PLXNA4: variants seen among roughly 807,000 people sequenced by gnomAD.
The protein encoded by PLXNA4 is plexin A4.
Under a neutral mutation model 191.8 loss-of-function variants are expected in PLXNA4, and 44 were observed. The ratio of observed to expected loss-of-function variants is 0.23; its 90% confidence interval spans 0.18 to 0.29. The LOEUF (loss-of-function observed/expected upper bound fraction) is 0.29. Among genes scored for constraint, PLXNA4 ranks in the 10% least tolerant of loss-of-function variants. PLXNA4 has a pLI of 1.00. For synonymous variants in PLXNA4, 1,082 were observed against 1,009.5 expected, an observed-to-expected ratio of 1.07 and a Z score of -1.36; for missense variants, 1,800 against 2,488.8, an observed-to-expected ratio of 0.72 and a Z score of 5.89.
intron 5 of PLXNA4, among the ~76,000 whole-genome samples, chr7:132,235,555 G>A (rs1177195726): frequency 5.9e-5 from 9 of 152,350 alleles, no homozygotes; most frequent in Non-Finnish European, 8.8e-5. Flanking sequence ...AGGCAGGGTC[G>A]TGAGGGGGTG....
intron 5 of PLXNA4, among the ~76,000 whole-genome samples, chr7:132,240,484 GC>G (rs1275237844): frequency 6.6e-6 from 1 of 152,210 alleles, no homozygotes; most frequent in Non-Finnish European, 1.5e-5. Flanking sequence ...AGTGACTCCA[GC>G]CCAAGTGCAC....
intron 3 of PLXNA4, chr7:132,352,223 T>TTCCTCC (rs979050592): frequency 3.3e-5 from 5 of 152,308 alleles, no homozygotes; most frequent in African/African-American, 1.2e-4. Context: ...CACAGCTTTT[T>TTCCTCC]TCCTCCTCCT....
At chr7:132,433,048 C>A (rs926078917) in intron 3 of PLXNA4, among the ~76,000 whole-genome samples, 4 of 152,126 alleles carry the variant, frequency 2.6e-5, no homozygotes, top group Non-Finnish European at 4.4e-5. Flanking sequence ...TGTCTAGTTC[C>A]GGTTGATACA....
chr7:132,244,017 T>C (rs1798966461), intron 4 of PLXNA4, among the ~76,000 whole-genome samples: 1 of 152,196 alleles, frequency 6.6e-6, no homozygotes, highest in African/African-American at 2.4e-5. Context: ...TTTCCAGGAC[T>C]TATTCACTAT....
chr7:132,502,445 G>A (rs1352910086), intron 2 of PLXNA4, among the ~76,000 whole-genome samples: 3 of 152,182 alleles, frequency 2.0e-5, no homozygotes, highest in Admixed American at 6.5e-5. Context: ...GAGTCAGGTG[G>A]GAGCTGGGTC....
chr7:132,492,832 G>A (rs1432588492), intron 2 of PLXNA4, among the ~76,000 whole-genome samples: 1 of 152,222 alleles, frequency 6.6e-6, no homozygotes, highest in Non-Finnish European at 1.5e-5. Flanking sequence ...GAGCTGGGAA[G>A]CACTTCAATG....
At chr7:132,148,135 A>G in intron 26 of PLXNA4, 136 bp from the exon 27 acceptor site, 2 of 1,333,104 alleles carry the variant, frequency 1.5e-6, no homozygotes, top group Admixed American at 2.1e-5. Flanking sequence ...GGAGGCTGTC[A>G]GCTTTCCTTG....
At chr7:132,484,385 T>A (rs1797457699) in intron 3 of PLXNA4, among the ~76,000 whole-genome samples, 2 of 152,208 alleles carry the variant, frequency 1.3e-5, no homozygotes, top group Admixed American at 6.5e-5. Context: ...ACCTGTGGGA[T>A]CTTCTGCCTG....
chr7:132,363,209 T>A (rs2116860885), intron 3 of PLXNA4, among the ~76,000 whole-genome samples: 1 of 152,324 alleles, frequency 6.6e-6, no homozygotes, highest in Admixed American at 6.5e-5. Flanking sequence ...GGTCTCGAAC[T>A]CCTGACCTCA....
intron 3 of PLXNA4, among the ~76,000 whole-genome samples, chr7:132,436,485 C>T (rs1018156725): frequency 6.6e-6 from 1 of 152,214 alleles, no homozygotes; most frequent in African/African-American, 2.4e-5. Context: ...CTTAGGAATT[C>T]CCTTCCTCCA....
At chr7:132,309,973 C>T (rs1038767939) in intron 3 of PLXNA4, among the ~76,000 whole-genome samples, 1 of 152,214 alleles carries the variant, frequency 6.6e-6, no homozygotes, top group Admixed American at 6.5e-5. Flanking sequence ...CCAGTAGGCA[C>T]CGCCACCCTA....
intron 1 of PLXNA4, among the ~76,000 whole-genome samples, chr7:132,571,097 G>GA (rs998231533): frequency 6.1e-4 from 85 of 140,336 alleles, no homozygotes; most frequent in South Asian, 1.6e-3. Flanking sequence ...TGGAGAAAAA[G>GA]AAAAAAAAAA....
chr7:132,262,368 T>C (rs1041464581), intron 4 of PLXNA4, among the ~76,000 whole-genome samples: 17 of 152,334 alleles, frequency 1.1e-4, no homozygotes, highest in Admixed American at 3.9e-4. Flanking sequence ...CCTGGGCTGA[T>C]GGATCGGAGC....
chr7:132,277,591 C>T (rs950119784), intron 4 of PLXNA4, among the ~76,000 whole-genome samples: 1 of 152,166 alleles, frequency 6.6e-6, no homozygotes, highest in Admixed American at 6.5e-5. Context: ...GGAGGACACA[C>T]ACCATGTGGC....
chr7:132,177,125 G>A (rs899270056), intron 20 of PLXNA4, among the ~76,000 whole-genome samples: 10 of 151,996 alleles, frequency 6.6e-5, no homozygotes, highest in Admixed American at 6.6e-5. Context: ...AAGCATGAGT[G>A]TGTGAGCATG....
At chr7:132,397,126 C>T (rs1368706576) in intron 3 of PLXNA4, among the ~76,000 whole-genome samples, 2 of 152,198 alleles carry the variant, frequency 1.3e-5, no homozygotes, top group Non-Finnish European at 2.9e-5. Flanking sequence ...TCAGCCTTCC[C>T]CAAAATTTTA....
intron 4 of PLXNA4, among the ~76,000 whole-genome samples, chr7:132,282,458 G>C (rs1800514524): frequency 6.6e-6 from 1 of 151,452 alleles, no homozygotes; most frequent in Non-Finnish European, 1.5e-5. Flanking sequence ...AGACTACCCT[G>C]CATGCCCTGA....
chr7:132,168,819 C>A (rs2116668107), intron 21 of PLXNA4, among the ~76,000 whole-genome samples: 1 of 152,306 alleles, frequency 6.6e-6, no homozygotes, highest in South Asian at 2.1e-4. Context: ...AATGGCGGGG[C>A]TAGGATGGCA....
At position 132,396,110 on chromosome 7, in the gene PLXNA4, C is replaced by G. The variant is rs1245073819; in HGVS notation, c.1371+93182G>C. On this transcript the variant is annotated intron_variant, in intron 3 of 31. Coordinates refer to ENST00000321063, the MANE Select transcript of PLXNA4 (RefSeq NM_020911.2). ...TACCCTAGAGATGAGGAGCTGTGGT[C>G]AAAGTGATCACATCAAGAGAAAGCC... Among the ~76,000 whole-genome samples the G allele has an allele frequency of 2.6e-5, 4 of 152,190 alleles. No individual in the cohort carries two copies. In the East Asian group the frequency reaches 7.7e-4, roughly 29 times the overall value.
Sources: allele counts gnomAD v4.1 joint callset (sites outside exome capture counted in the v4.1 genomes callset), GRCh38; gene constraint gnomAD v4.1.1; transcripts MANE v1.5; gene names NCBI Gene and HGNC (gene_info 2026-07-23, HGNC 2026-07-21).